Variants in AUTS2 observed in about 807,000 individuals in gnomAD.
AUTS2 encodes the protein autism susceptibility gene 2 protein.
A neutral mutation model predicts 112.4 loss-of-function variants in AUTS2; 17 were observed. The observed-to-expected ratio is 0.15, with a 90% CI of 0.10 to 0.23. The LOEUF (loss-of-function observed/expected upper bound fraction) is 0.23, where lower values mean the gene tolerates loss of function less well. AUTS2 is among the 10% of genes least tolerant of loss of function. The pLI, the probability that AUTS2 is intolerant of heterozygous loss-of-function variation, is 1.00. For missense variants in AUTS2, 1,510 were observed against 1,701.6 expected, an observed-to-expected ratio of 0.89 and a Z score of 1.98; for synonymous variants, 751 against 702.7, an observed-to-expected ratio of 1.07 and a Z score of -1.09.
chr7:70,062,503 A>C (rs1271223589), intron 2 of AUTS2, among the ~76,000 whole-genome samples: 2 of 139,034 alleles, frequency 1.4e-5, no homozygotes, highest in Non-Finnish European at 1.5e-5. Flanking sequence ...ACAGAGCGAG[A>C]CTCCGTCTCA....
intron 4 of AUTS2, among the ~76,000 whole-genome samples, chr7:70,401,184 G>A (rs1257929067): frequency 6.6e-6 from 1 of 151,878 alleles, no homozygotes; most frequent in Admixed American, 6.6e-5. Context: ...GGCATGAAGG[G>A]AGAGGTAACA....
At chr7:70,490,401 G>T (rs781231369) in intron 5 of AUTS2, among the ~76,000 whole-genome samples, 3 of 151,908 alleles carry the variant, frequency 2.0e-5, no homozygotes, top group Non-Finnish European at 4.4e-5. Context: ...CAAGCAGAGG[G>T]GAGGTAACGA....
At chr7:70,041,715 T>G (rs935549083) in intron 2 of AUTS2, among the ~76,000 whole-genome samples, 1 of 152,220 alleles carries the variant, frequency 6.6e-6, no homozygotes, top group African/African-American at 2.4e-5. Context: ...TCTGAGCCTT[T>G]TCTGCCCCTA....
intron 4 of AUTS2, among the ~76,000 whole-genome samples, chr7:70,330,360 C>G (rs935221243): frequency 1.3e-5 from 2 of 152,144 alleles, no homozygotes; most frequent in Non-Finnish European, 2.9e-5. Context: ...CCAGTTGTCT[C>G]AGCATCATCT....
chr7:70,246,917 C>A (rs1465883304), intron 4 of AUTS2, among the ~76,000 whole-genome samples: 4 of 151,568 alleles, frequency 2.6e-5, no homozygotes, highest in Non-Finnish European at 5.9e-5. Flanking sequence ...TACCTATTTG[C>A]AAATTTCTAT....
intron 15 of AUTS2, 24 bp downstream of exon 15, chr7:70,781,780 G>A: frequency 1.9e-6 from 3 of 1,610,882 alleles, no homozygotes; most frequent in Middle Eastern, 1.7e-4. Flanking sequence ...TGGGTGGGGG[G>A]ACAGAGCTGA....
At chr7:69,608,386 A>C (rs553570586) in intron 1 of AUTS2, among the ~76,000 whole-genome samples, 20 of 152,308 alleles carry the variant, frequency 1.3e-4, no homozygotes, top group African/African-American at 4.8e-4. Flanking sequence ...TCTCATTTTA[A>C]GTTTTTGTAA....
intron 2 of AUTS2, among the ~76,000 whole-genome samples, chr7:70,004,356 T>TTA (rs1554425393): frequency 2.2e-5 from 3 of 134,678 alleles, no homozygotes; most frequent in Non-Finnish European, 4.6e-5. Context: ...CATATATATA[T>TTA]TATGTATGAA....
chr7:69,804,093 CAACCTTTATTTCCCTAAG>C (rs1790200285), intron 1 of AUTS2, among the ~76,000 whole-genome samples: 2 of 152,154 alleles, frequency 1.3e-5, no homozygotes, highest in South Asian at 4.2e-4. Context: ...TTTCCAGAAT[CAACCTTTATTTCCCTAAG>C]AAAATGTAGA....
rs148510781 is a variant in AUTS2 at position 69,636,665 on chromosome 7, G to A, written c.309+36703G>A. ...GTGTATGTAACTGTTTTCATGTGTT[G>A]TTTTTACAAAATGGGAACACAGCAT... On this transcript the variant is annotated intron_variant, in intron 1 of 18. Coordinates refer to ENST00000342771, the MANE Select transcript of AUTS2 (RefSeq NM_015570.4). 2.3e-3 allele frequency among the ~76,000 whole-genome samples: 354 copies of A among 152,116 alleles called. 1 individual carries two copies. The highest frequency in any genetic ancestry group is 7.5e-3 in the African/African-American group (311 of 41,496).
At chr7:70,219,580 T>G (rs2129591454) in intron 4 of AUTS2, among the ~76,000 whole-genome samples, 1 of 151,592 alleles carries the variant, frequency 6.6e-6, no homozygotes, top group East Asian at 1.9e-4. Flanking sequence ...TTCCTTTTTT[T>G]TTTTTTTTTG....
At chr7:69,649,483 G>A (rs1291263788) in intron 1 of AUTS2, among the ~76,000 whole-genome samples, 1 of 151,924 alleles carries the variant, frequency 6.6e-6, no homozygotes, top group Non-Finnish European at 1.5e-5. Flanking sequence ...TGCCTCCTTT[G>A]TTTGCTGCTT....
intron 2 of AUTS2, among the ~76,000 whole-genome samples, chr7:69,993,479 A>G (rs1043229013): frequency 6.6e-6 from 1 of 152,166 alleles, no homozygotes; most frequent in Non-Finnish European, 1.5e-5. Flanking sequence ...GGCTAGGCAC[A>G]GTGGCTCATA....
intron 1 of AUTS2, among the ~76,000 whole-genome samples, chr7:69,824,037 T>C (rs1021476157): frequency 2.6e-5 from 4 of 152,164 alleles, no homozygotes; most frequent in Non-Finnish European, 5.9e-5. Context: ...CTCACTGAGA[T>C]ATTGTGAGGA....
chr7:70,493,218 A>C (rs1798318553), intron 5 of AUTS2, among the ~76,000 whole-genome samples: 1 of 152,224 alleles, frequency 6.6e-6, no homozygotes, highest in Non-Finnish European at 1.5e-5. Context: ...CAGAAAAGGA[A>C]AGGGGAAAAT....
At chr7:69,605,266 C>T (rs566560582) in intron 1 of AUTS2, among the ~76,000 whole-genome samples, 2 of 152,090 alleles carry the variant, frequency 1.3e-5, no homozygotes, top group Non-Finnish European at 2.9e-5. Context: ...AGCTTGTAGT[C>T]GGTGCGTGGG....
At chr7:70,671,033 G>A (rs1307682532) in intron 5 of AUTS2, among the ~76,000 whole-genome samples, 2 of 152,204 alleles carry the variant, frequency 1.3e-5, no homozygotes, top group South Asian at 2.1e-4. Context: ...TTAGCTAGGT[G>A]TGGTGGCGCA....
At chr7:69,656,458 A>G (rs988680617) in intron 1 of AUTS2, among the ~76,000 whole-genome samples, 3 of 152,140 alleles carry the variant, frequency 2.0e-5, no homozygotes, top group African/African-American at 7.2e-5. Flanking sequence ...TAATTTGCTT[A>G]CTTTTTTTTT....
chr7:70,687,646 T>C (rs1808539854), intron 5 of AUTS2, among the ~76,000 whole-genome samples: 1 of 152,220 alleles, frequency 6.6e-6, no homozygotes. Context: ...TGCAGATCCA[T>C]GATCAATTGT....
Sources: allele counts gnomAD v4.1 joint callset (sites outside exome capture counted in the v4.1 genomes callset), GRCh38; gene constraint gnomAD v4.1.1; transcripts MANE v1.5; gene names NCBI Gene and HGNC (gene_info 2026-07-23, HGNC 2026-07-21).